ATP8A2: variants seen among roughly 807,000 people sequenced by gnomAD.
ATP8A2 encodes ATPase phospholipid transporting 8A2, also known as phospholipid-transporting ATPase IB.
A neutral mutation model predicts 165.6 loss-of-function variants in ATP8A2; 100 were observed. That is an observed-to-expected ratio of 0.60 (90% confidence interval 0.51 to 0.71). ATP8A2 has a LOEUF of 0.71. ATP8A2 is among the 30% of genes least tolerant of loss of function. ATP8A2 has a pLI of 0.00. For synonymous variants in ATP8A2, 543 were observed against 548.8 expected, an observed-to-expected ratio of 0.99 and a Z score of 0.15; for missense variants, 1,227 against 1,479.5, an observed-to-expected ratio of 0.83 and a Z score of 2.80.
chr13:25,553,979 A>G lies in ATP8A2; in HGVS notation c.1185+59A>G. The G allele has an allele frequency of 4.5e-6, 7 of 1,548,550 alleles. No homozygotes were observed. In the Middle Eastern group the frequency reaches 5.2e-4, roughly 114 times the overall value. ...CCAATGCTATTTCAGAGCCTTTGGC[A>G]TTTAATTGAGCACTCAAAAAAGAAG... On this transcript the variant is annotated intron_variant, in intron 12 of 36. Coordinates refer to ENST00000381655, the MANE Select transcript of ATP8A2 (RefSeq NM_016529.6).
At chr13:25,485,727 C>T (rs1468807082) in intron 2 of ATP8A2, among the ~76,000 whole-genome samples, 1 of 152,184 alleles carries the variant, frequency 6.6e-6, no homozygotes, top group African/African-American at 2.4e-5. Flanking sequence ...CGTTAATTCT[C>T]ACATTATATT....
intron 33 of ATP8A2, among the ~76,000 whole-genome samples, chr13:25,867,634 T>C (rs1302638953): frequency 1.3e-5 from 2 of 152,162 alleles, no homozygotes; most frequent in African/African-American, 4.8e-5. Context: ...CTTCCACCCC[T>C]AAGTCCAGGT....
chr13:25,769,333 C>T lies in ATP8A2; in HGVS notation c.2568+104C>T, dbSNP rs922883196. ...AGTGCATCTCCAAACCTCTGCCACC[C>T]CTCTTGAGGTTGCTGTCTAGATGAA... is the stretch of plus-strand genomic sequence containing the variant. On this transcript the variant is annotated intron_variant, in intron 26 of 36. Transcript: ENST00000381655. The T allele has an allele frequency of 6.2e-6, 7 of 1,132,934 alleles. No individual in the cohort carries two copies. The African/African-American group carries it at 1.1e-4, about 18-fold the overall frequency. 70.2% of individuals were successfully genotyped at this position (1,132,934 alleles called of 1,614,324 possible).
intron 35 of ATP8A2, among the ~76,000 whole-genome samples, chr13:25,984,143 A>G (rs907937223): frequency 1.3e-5 from 2 of 152,050 alleles, no homozygotes; most frequent in African/African-American, 4.8e-5. Flanking sequence ...AGGCTGAGGC[A>G]TGGGGATCGT....
intron 35 of ATP8A2, among the ~76,000 whole-genome samples, chr13:26,010,032 C>T (rs1956810778): frequency 6.6e-6 from 1 of 152,156 alleles, no homozygotes; most frequent in Non-Finnish European, 1.5e-5. Flanking sequence ...CGCCACTGCA[C>T]TCCAGCCTGG....
chr13:25,800,972 G>A lies in ATP8A2; in HGVS notation c.2679+26013G>A, dbSNP rs11843805. 2.6e-5 allele frequency among the ~76,000 whole-genome samples: 4 copies of A among 152,140 alleles called. No individual in the cohort carries two copies. The East Asian group carries it at 5.8e-4, about 22-fold the overall frequency. On this transcript the variant is annotated intron_variant, in intron 27 of 36. Coordinates refer to ENST00000381655, the MANE Select transcript of ATP8A2 (RefSeq NM_016529.6). ...GTCGAGAATTTCTGAGATCTTGACC[G>A]TCAGGAAAAGGATGCTTCCAGGCAG...
Position 26,023,626 on chromosome 13 carries a change from C to T in ATP8A2, c.*3641C>T, listed in dbSNP as rs1470079469. On this transcript the variant is annotated 3_prime_UTR_variant, in exon 37 of 37. Transcript: ENST00000381655. The stretch of plus-strand genomic sequence containing the variant: ...TTATAATAATGACCTTTAATCTTGT[C>T]ATTTGGAACCATAAAGCATTTTTAT... 6.6e-6 allele frequency: 1 copy of T among 152,126 alleles called. No individual in the cohort carries two copies. Among genetic ancestry groups the T allele is most frequent in the Non-Finnish European group, 1.5e-5 (1 of 68,018 alleles). 9.4% of individuals were successfully genotyped at this position (152,126 alleles called of 1,614,324 possible). A position where few individuals can be genotyped will look rare whatever the true frequency, so the allele number is the denominator to read the frequency against.
chr13:25,850,830 A>G (rs147590067), intron 30 of ATP8A2, among the ~76,000 whole-genome samples: 233 of 152,354 alleles, frequency 1.5e-3, no homozygotes, highest in African/African-American at 5.4e-3. Context: ...AAACACCTGC[A>G]TGACAAACAC....
intron 2 of ATP8A2, among the ~76,000 whole-genome samples, chr13:25,472,026 A>T (rs1395920895): frequency 2.0e-5 from 3 of 152,136 alleles, no homozygotes; most frequent in Non-Finnish European, 4.4e-5. Context: ...ATGGCCTTTG[A>T]GTATTTGGTT....
intron 33 of ATP8A2, among the ~76,000 whole-genome samples, chr13:25,929,098 G>A (rs1011495172): frequency 1.3e-5 from 2 of 152,090 alleles, no homozygotes; most frequent in African/African-American, 2.4e-5. Context: ...CTCACAAGCC[G>A]CTAACAACCT....
chr13:25,427,987 A>G (rs1240718306), intron 1 of ATP8A2, among the ~76,000 whole-genome samples: 2 of 152,010 alleles, frequency 1.3e-5, no homozygotes, highest in Non-Finnish European at 2.9e-5. Flanking sequence ...ACTTCAGCCT[A>G]GTCCTTGGCA....
intron 25 of ATP8A2, among the ~76,000 whole-genome samples, chr13:25,719,657 C>G (rs866282945): frequency 9.2e-5 from 14 of 152,320 alleles, no homozygotes; most frequent in Middle Eastern, 6.8e-3. Context: ...TGTGTCTTTT[C>G]CTGTCCTGCT....
chr13:25,833,859 A>T (rs2138630954), intron 28 of ATP8A2, among the ~76,000 whole-genome samples: 1 of 152,350 alleles, frequency 6.6e-6, no homozygotes, highest in East Asian at 1.9e-4. Flanking sequence ...GAACCCATTT[A>T]AAAAACCAAT....
chr13:25,414,941 G>A (rs1405283646), intron 1 of ATP8A2, among the ~76,000 whole-genome samples: 1 of 152,012 alleles, frequency 6.6e-6, no homozygotes, highest in Non-Finnish European at 1.5e-5. Flanking sequence ...GCAGGTGCTG[G>A]GTAAATACTT....
At chr13:25,968,912 A>G in intron 35 of ATP8A2, among the ~76,000 whole-genome samples, 1 of 150,460 alleles carries the variant, frequency 6.6e-6, no homozygotes, top group East Asian at 2.0e-4. Flanking sequence ...AGAAGTGAGC[A>G]AAACAACTCA....
chr13:25,908,771 C>T (rs1053685594), intron 33 of ATP8A2, among the ~76,000 whole-genome samples: 1 of 152,246 alleles, frequency 6.6e-6, no homozygotes, highest in Non-Finnish European at 1.5e-5. Flanking sequence ...AGAGGAGAAG[C>T]TCTTCCCTGT....
chr13:25,685,100 G>A (rs552449628), intron 24 of ATP8A2, among the ~76,000 whole-genome samples: 112 of 152,080 alleles, frequency 7.4e-4, no homozygotes, highest in Non-Finnish European at 1.3e-3. Context: ...CTATCCTGTC[G>A]CCCTCTGGCC....
At chr13:25,898,781 A>G (rs4770885) in intron 33 of ATP8A2, among the ~76,000 whole-genome samples, 3,342 of 152,274 alleles carry the variant, frequency 0.022, 57 homozygotes, top group Middle Eastern at 0.078. Flanking sequence ...ATCTCAGACT[A>G]CTGTACTAGC....
intron 1 of ATP8A2, among the ~76,000 whole-genome samples, chr13:25,391,726 A>G (rs2033255028): frequency 6.6e-6 from 1 of 152,224 alleles, no homozygotes; most frequent in South Asian, 2.1e-4. Flanking sequence ...AAAGAAACTT[A>G]CATGTATGGA....
Sources: gnomAD v4.1 joint callset for allele counts (sites outside exome capture counted in the v4.1 genomes callset) on GRCh38, gnomAD v4.1.1 for gene constraint, MANE v1.5 for transcripts, NCBI Gene and HGNC (gene_info 2026-07-23, HGNC 2026-07-21) for gene names.